Variants in TBC1D8 observed in about 807,000 individuals in gnomAD.
TBC1D8 encodes TBC1 domain family member 8.
TBC1D8 carries 65 observed loss-of-function variants against 118.8 expected under a neutral mutation model. The ratio of observed to expected loss-of-function variants is 0.55; its 90% confidence interval spans 0.45 to 0.67. The LOEUF (loss-of-function observed/expected upper bound fraction) is 0.67, where lower values mean the gene tolerates loss of function less well. Among genes scored for constraint, TBC1D8 ranks in the 30% least tolerant of loss-of-function variants. The pLI is 0.00. For missense variants in TBC1D8, 1,376 were observed against 1,471.2 expected (o/e 0.94, Z 1.06); for synonymous variants, 566 against 595.8 (o/e 0.95, Z 0.73).
At chr2:101,061,115 G>C (rs1189383963) in intron 2 of TBC1D8, among the ~76,000 whole-genome samples, 3 of 148,662 alleles carry the variant, frequency 2.0e-5, no homozygotes, top group African/African-American at 5.0e-5. Context: ...TCGAACCTGG[G>C]AGGCGGAGAT....
intron 1 of TBC1D8, among the ~76,000 whole-genome samples, chr2:101,109,405 GA>G (rs2105477508): frequency 6.6e-6 from 1 of 152,246 alleles, no homozygotes; most frequent in African/African-American, 2.4e-5. Context: ...AACATTATCA[GA>G]AAATTGGATA....
At chr2:101,030,027 C>T (rs1680577988) in intron 11 of TBC1D8, 1 of 423,110 alleles carries the variant, frequency 2.4e-6, no homozygotes, top group Admixed American at 3.8e-5. Flanking sequence ...GGAACACTAG[C>T]CCCTACCTCA....
chr2:101,060,914 G>A (rs1682714970), intron 2 of TBC1D8, among the ~76,000 whole-genome samples: 1 of 152,192 alleles, frequency 6.6e-6, no homozygotes, highest in Non-Finnish European at 1.5e-5. Context: ...TGGACCGGGT[G>A]CAGTGGCTCA....
rs1365932265 is a variant in TBC1D8, at chr2:101,033,712, C to T, written c.1650G>A (p.Leu550=). 1.9e-6 allele frequency: 3 copies of T among 1,613,834 alleles called. No homozygotes were observed. The highest frequency in any genetic ancestry group is 1.3e-5 in the African/African-American group (1 of 74,904). The change falls in exon 10 of 20, where the codon CTG becomes CTA. Residue 550 remains leucine, a synonymous_variant. Transcript: ENST00000409318. ...AGCATTTCCCCAGGGACTCCTCCAC[C>T]AGATTCCCGTAGTAACCAGGGTGTG... is the stretch of plus-strand genomic sequence containing the variant. ...LASHPGYYGN[L]VEESLGKCCL... is the part of the protein sequence containing the mutation.
At chr2:101,148,376 T>C (rs1679405258) in intron 1 of TBC1D8, among the ~76,000 whole-genome samples, 1 of 152,156 alleles carries the variant, frequency 6.6e-6, no homozygotes, top group African/African-American at 2.4e-5. Flanking sequence ...CCTGAACAAA[T>C]ATGCTGGGTA....
chr2:101,016,895 A>G (rs1160351108), intron 17 of TBC1D8, among the ~76,000 whole-genome samples: 2 of 150,156 alleles, frequency 1.3e-5, no homozygotes, highest in African/African-American at 4.9e-5. Context: ...GGACACATGA[A>G]GGGGAACATC....
intron 1 of TBC1D8, among the ~76,000 whole-genome samples, chr2:101,136,464 T>G (rs1351284424): frequency 6.6e-6 from 1 of 152,124 alleles, no homozygotes; most frequent in Non-Finnish European, 1.5e-5. Flanking sequence ...CCAAATAAAA[T>G]TCTTTTCTTT....
At chr2:101,143,607 G>A (rs1015916046) in intron 1 of TBC1D8, among the ~76,000 whole-genome samples, 1 of 152,006 alleles carries the variant, frequency 6.6e-6, no homozygotes, top group Non-Finnish European at 1.5e-5. Flanking sequence ...ATGTCCAGGC[G>A]GGAGTGCAGT....
intron 2 of TBC1D8, among the ~76,000 whole-genome samples, chr2:101,087,010 C>T (rs1675677794): frequency 1.3e-5 from 2 of 152,090 alleles, no homozygotes; most frequent in Admixed American, 1.3e-4. Context: ...TCTTGAACTC[C>T]TGACCTCAGG....
At chr2:101,073,406 T>C (rs1674603689) in intron 2 of TBC1D8, among the ~76,000 whole-genome samples, 1 of 151,884 alleles carries the variant, frequency 6.6e-6, no homozygotes, top group Non-Finnish European at 1.5e-5. Flanking sequence ...GCCATTCTCC[T>C]GGCTCAGCCT....
chr2:101,050,295 A>T, intron 5 of TBC1D8, 106 bp downstream of exon 5: 2 of 1,471,852 alleles, frequency 1.4e-6, no homozygotes, highest in Non-Finnish European at 1.8e-6. Flanking sequence ...AGGGAAATTT[A>T]AATCTAACAT....
chr2:101,022,066 G>A (rs115261134), intron 16 of TBC1D8, among the ~76,000 whole-genome samples: 126 of 152,300 alleles, frequency 8.3e-4, no homozygotes, highest in African/African-American at 2.8e-3. Context: ...GAACAGCCTC[G>A]TATGTTGAGA....
At chr2:101,030,275 A>C (rs768334929) in intron 11 of TBC1D8, among the ~76,000 whole-genome samples, 8 of 152,244 alleles carry the variant, frequency 5.3e-5, no homozygotes, top group Non-Finnish European at 8.8e-5. Context: ...TTTGCAATCC[A>C]TATGCCTGAC....
At position 101,049,688 on chromosome 2, in the gene TBC1D8, G is replaced by A. The variant is rs557561318; in HGVS notation, c.872+713C>T. On this transcript the variant is annotated intron_variant, in intron 5 of 19. Coordinates refer to ENST00000409318, the MANE Select transcript of TBC1D8 (RefSeq NM_001330348.2). The stretch of plus-strand genomic sequence containing the variant: ...GGTTGCAGTGAGCCGAGATAGCACC[G>A]TTGTACTCCAGCCTGGGGGACAGAG... Among the ~76,000 whole-genome samples, 4 of 151,644 alleles carry A rather than the reference G, an allele frequency of 2.6e-5. No individual in the cohort carries two copies. In the South Asian group the frequency reaches 6.2e-4, roughly 24 times the overall value.
rs758611100 is a variant in TBC1D8 at position 101,028,051 on chromosome 2, G to C, written c.2448C>G (p.Asn816Lys). The C allele has an allele frequency of 6.2e-7, 1 of 1,613,784 alleles. No homozygotes were observed. The highest frequency in any genetic ancestry group is 1.3e-5 in the African/African-American group (1 of 74,914). ...GGGTGAGGCGTCTGCTACCCACCAC[G>C]TTCTGCTTTGTGGTGTCCTCGTGGC... ...LQGHEDTTKQNVLRVVIPEVS... is the reference protein window; with the variant it reads ...LQGHEDTTKQKVLRVVIPEVS... The change falls in exon 14 of 20, where the codon AAC (asparagine) becomes AAG (lysine). Residue 816 changes from asparagine to lysine, a missense_variant. By Grantham distance (94) the Asn-to-Lys change is moderately conservative. Transcript: ENST00000409318.
Position 101,033,561 on chromosome 2 carries a change from T to C in TBC1D8, c.1801A>G (p.Lys601Glu), listed in dbSNP as rs372596671. Residue 601 changes from lysine (K) to glutamate (E), a missense_variant, in exon 10 of 20, where the codon AAG becomes GAG. Physicochemically the swap from Lys to Glu is moderately conservative, Grantham distance 56. Coordinates refer to ENST00000409318, the MANE Select transcript of TBC1D8 (RefSeq NM_001330348.2). ...CCTTTCACCTGGCAGTATCCAATCTTGGGGTTCCGGTGGGCATAGGCCGTC... is the reference window on the plus strand; with the variant it reads ...CCTTTCACCTGGCAGTATCCAATCTCGGGGTTCCGGTGGGCATAGGCCGTC... ...VLTAYAHRNP[K>E]IGYCQSMNIL... The C allele has an allele frequency of 1.2e-6, 2 of 1,613,744 alleles. No individual in the cohort carries two copies. Among genetic ancestry groups the C allele is most frequent in the African/African-American group, 1.3e-5 (1 of 74,862 alleles).
intron 11 of TBC1D8, among the ~76,000 whole-genome samples, chr2:101,031,304 C>T (rs968874217): frequency 2.0e-5 from 3 of 152,208 alleles, no homozygotes; most frequent in Admixed American, 1.3e-4. Flanking sequence ...GGAAAGGGTA[C>T]ACCTGGGCCA....
intron 12 of TBC1D8, 142 bp from the exon 13 acceptor site, chr2:101,028,574 AT>A: frequency 7.9e-7 from 1 of 1,266,300 alleles, no homozygotes; most frequent in Non-Finnish European, 1.1e-6. Flanking sequence ...TGCTCGGCTT[AT>A]TTTAGAGAAG....
At position 101,091,473 on chromosome 2, in the gene TBC1D8, C is replaced by A. The variant is rs150453457; in HGVS notation, c.128-1109G>T. Among the ~76,000 whole-genome samples, 860 of 152,216 alleles carry A rather than the reference C, an allele frequency of 5.6e-3. 5 individuals are homozygous for A. Among genetic ancestry groups the A allele is most frequent in the Non-Finnish European group, 8.3e-3 (565 of 68,010 alleles). On this transcript the variant is annotated intron_variant, in intron 1 of 19. Coordinates refer to ENST00000409318, the MANE Select transcript of TBC1D8 (RefSeq NM_001330348.2). The stretch of plus-strand genomic sequence containing the variant: ...GGGTGCGGTGGCTCATGCCTGTAAT[C>A]CCAGCACTTTGAGAGTCCAAGGCAG...
Sources: allele counts gnomAD v4.1 joint callset (sites outside exome capture counted in the v4.1 genomes callset), GRCh38; gene constraint gnomAD v4.1.1; transcripts MANE v1.5; gene names NCBI Gene and HGNC (gene_info 2026-07-23, HGNC 2026-07-21).